CSMD2: variants seen among roughly 807,000 people sequenced by gnomAD.
CSMD2 encodes the protein CUB and Sushi multiple domains 2, also known as CUB and sushi domain-containing protein 2.
In CSMD2, 130 loss-of-function variants were observed where a neutral mutation model predicts 398.5. The ratio of observed to expected loss-of-function variants is 0.33; its 90% CI spans 0.28 to 0.38. The LOEUF (loss-of-function observed/expected upper bound fraction) is 0.38, where lower values mean the gene tolerates loss of function less well. Among genes scored for constraint, CSMD2 ranks in the 10% least tolerant of loss-of-function variants. The pLI is 1.00. For synonymous variants in CSMD2, 1,828 were observed against 1,908.5 expected, an observed-to-expected ratio of 0.96 and a Z score of 1.10; for missense variants, 3,829 against 4,764.9, an observed-to-expected ratio of 0.80 and a Z score of 5.78.
At position 33,700,297 on chromosome 1, in the gene CSMD2, G is replaced by A. The variant is rs148562768; in HGVS notation, c.3733+220C>T. Among the ~76,000 whole-genome samples, 8 of 152,300 alleles carry A rather than the reference G, an allele frequency of 5.3e-5. No individual in the cohort carries two copies. The East Asian group carries it at 1.5e-3, about 29-fold the overall frequency. On this transcript the variant is annotated intron_variant, in intron 23 of 70. Coordinates refer to ENST00000373381, the MANE Select transcript of CSMD2 (RefSeq NM_001281956.2). ...GCTGGGATTATAGGCATGAACCACT[G>A]TGCCCGGCCACTTCACTCCTTTTTA...
intron 1 of CSMD2, among the ~76,000 whole-genome samples, chr1:34,092,953 CA>C (rs1447207564): frequency 1.3e-5 from 2 of 152,128 alleles, no homozygotes; most frequent in Admixed American, 1.3e-4. Context: ...CCTCTGGGGG[CA>C]GGGCACAGAC....
At chr1:33,706,765 AGTGTGTGTGTGTGTGCATGTAC>A (rs1051796898) in intron 22 of CSMD2, among the ~76,000 whole-genome samples, 5 of 150,972 alleles carry the variant, frequency 3.3e-5, no homozygotes, top group African/African-American at 4.9e-5. Flanking sequence ...GGTGCTAAAG[AGTGTGTGTGTGTGTGCATGTAC>A]GTGTGTGTGT....
At chr1:33,672,145 C>CGT (rs1377331080) in intron 25 of CSMD2, among the ~76,000 whole-genome samples, 1 of 152,248 alleles carries the variant, frequency 6.6e-6, no homozygotes, top group Non-Finnish European at 1.5e-5. Context: ...TGCAGTGCAC[C>CGT]GTGTGTGAGC....
At chr1:33,825,875 T>C in intron 6 of CSMD2, 101 bp from the exon 7 acceptor site, 1 of 956,968 alleles carries the variant, frequency 1.0e-6, no homozygotes, top group Non-Finnish European at 1.6e-6. Context: ...GAACATTCCA[T>C]GGTGGGTCAA....
intron 3 of CSMD2, among the ~76,000 whole-genome samples, chr1:33,983,681 C>T (rs1000028542): frequency 3.9e-5 from 6 of 151,998 alleles, no homozygotes. Context: ...CATCCTACTA[C>T]CTCTGAGGTC....
chr1:33,920,295 G>A (rs1266524505), intron 4 of CSMD2, among the ~76,000 whole-genome samples: 6 of 151,512 alleles, frequency 4.0e-5, no homozygotes, highest in African/African-American at 7.3e-5. Flanking sequence ...TTGGGAGGCC[G>A]AGGTGGGCGG....
At chr1:33,859,487 G>C (rs1570295243) in intron 5 of CSMD2, among the ~76,000 whole-genome samples, 1 of 152,312 alleles carries the variant, frequency 6.6e-6, no homozygotes, top group East Asian at 1.9e-4. Flanking sequence ...GATAATCCAG[G>C]ATCATCTCCC....
chr1:33,784,791 C>G (rs1653316510), intron 12 of CSMD2, among the ~76,000 whole-genome samples: 1 of 152,216 alleles, frequency 6.6e-6, no homozygotes, highest in African/African-American at 2.4e-5. Flanking sequence ...GGCACCATCT[C>G]TATGCCAGGC....
At chr1:33,838,116 T>C (rs919811935) in intron 6 of CSMD2, among the ~76,000 whole-genome samples, 1 of 152,188 alleles carries the variant, frequency 6.6e-6, no homozygotes, top group South Asian at 2.1e-4. Flanking sequence ...TTCTTCCCAA[T>C]GGATTCAGAC....
intron 5 of CSMD2, among the ~76,000 whole-genome samples, chr1:33,914,056 C>T (rs1197574234): frequency 2.0e-5 from 3 of 152,148 alleles, no homozygotes; most frequent in Non-Finnish European, 2.9e-5. Flanking sequence ...TCCCCAGTCC[C>T]AGTCCTTTGA....
intron 2 of CSMD2, among the ~76,000 whole-genome samples, chr1:34,037,461 C>G (rs555288499): frequency 6.6e-6 from 1 of 151,566 alleles, no homozygotes; most frequent in South Asian, 2.1e-4. Context: ...CAGTGACAGA[C>G]TGACATCATC....
chr1:34,067,089 C>T (rs1655199368), intron 2 of CSMD2, among the ~76,000 whole-genome samples: 1 of 152,124 alleles, frequency 6.6e-6, no homozygotes, highest in Non-Finnish European at 1.5e-5. Flanking sequence ...AACAGGCAGC[C>T]AGAGAAGGCT....
intron 1 of CSMD2, among the ~76,000 whole-genome samples, chr1:34,104,320 T>C (rs1660309227): frequency 6.6e-6 from 1 of 152,234 alleles, no homozygotes; most frequent in South Asian, 2.1e-4. Flanking sequence ...TTGGTTCCCT[T>C]GGGTGTTTTA....
At chr1:33,865,170 C>T (rs1191473018) in intron 5 of CSMD2, among the ~76,000 whole-genome samples, 2 of 151,538 alleles carry the variant, frequency 1.3e-5, no homozygotes, top group African/African-American at 4.9e-5. Flanking sequence ...GGTTCAGGAA[C>T]ATGACGTCTG....
chr1:34,026,298 TC>T (rs60298796), intron 3 of CSMD2, among the ~76,000 whole-genome samples: 12,219 of 152,142 alleles, frequency 0.08, 916 homozygotes, highest in East Asian at 0.33. Context: ...ATGCCACCTT[TC>T]CCCTTATGGT....
At chr1:33,728,376 G>A (rs927201483) in intron 15 of CSMD2, among the ~76,000 whole-genome samples, 1 of 151,746 alleles carries the variant, frequency 6.6e-6, no homozygotes, top group Non-Finnish European at 1.5e-5. Context: ...ATCTAAAATA[G>A]TTGTCAAGTA....
intron 6 of CSMD2, among the ~76,000 whole-genome samples, chr1:33,833,490 T>C (rs1356564577): frequency 6.7e-6 from 1 of 148,488 alleles, no homozygotes; most frequent in African/African-American, 2.5e-5. Flanking sequence ...TAGGTATTGA[T>C]GGGACGTATC....
chr1:34,041,106 C>T (rs910468376), intron 2 of CSMD2, among the ~76,000 whole-genome samples: 6 of 152,058 alleles, frequency 3.9e-5, no homozygotes, highest in Non-Finnish European at 8.8e-5. Flanking sequence ...GCCTGGGTGA[C>T]AGAATGAGAC....
chr1:33,943,781 AG>A (rs1191328838), intron 3 of CSMD2, among the ~76,000 whole-genome samples: 1 of 152,148 alleles, frequency 6.6e-6, no homozygotes, highest in Non-Finnish European at 1.5e-5. Context: ...CTTGAGGGGC[AG>A]GAACAGTGCT....
Sources: allele counts gnomAD v4.1 joint callset (sites outside exome capture counted in the v4.1 genomes callset), GRCh38; gene constraint gnomAD v4.1.1; transcripts MANE v1.5; gene names NCBI Gene and HGNC (gene_info 2026-07-23, HGNC 2026-07-21).